Variants in EFHC1 observed in about 807,000 individuals in gnomAD.
The protein encoded by EFHC1 is EF-hand domain containing 1.
In EFHC1, 53 loss-of-function variants were observed where a neutral mutation model predicts 69.9. The ratio of observed to expected loss-of-function variants is 0.76; its 90% confidence interval spans 0.61 to 0.95. EFHC1 has a LOEUF of 0.95. EFHC1 is among the 40% of genes least tolerant of loss of function. EFHC1 has a pLI of 0.00. For synonymous variants in EFHC1, 256 were observed against 278.4 expected, an observed-to-expected ratio of 0.92 and a Z score of 0.80; for missense variants, 739 against 798.7, an observed-to-expected ratio of 0.93 and a Z score of 0.90.
At chr6:52,465,866 A>G (rs1437012822) in intron 6 of EFHC1, among the ~76,000 whole-genome samples, 2 of 148,252 alleles carry the variant, frequency 1.3e-5, no homozygotes. Flanking sequence ...CTATCTATAT[A>G]TATATTATAA....
intron 5 of EFHC1, among the ~76,000 whole-genome samples, chr6:52,463,220 AGT>A (rs1765214325): frequency 1.8e-5 from 2 of 110,078 alleles, no homozygotes; most frequent in Admixed American, 9.7e-5. Context: ...TTGTATTTTT[AGT>A]AGAGACAGAG....
Position 52,479,763 on chromosome 6 carries a change from A to G in EFHC1, c.1616A>G (p.Glu539Gly), listed in dbSNP as rs908573760. The G allele has an allele frequency of 6.2e-7, 1 of 1,614,096 alleles. No individual in the cohort carries two copies. Among genetic ancestry groups the G allele is most frequent in the African/African-American group, 1.3e-5 (1 of 74,938 alleles). The stretch of plus-strand genomic sequence containing the variant: ...ATTCAGAACCATGTCCGAAAGCGAG[A>G]AGCGCCTGCTCCAGAAGCAGAAAGG... ...ASIQNHVRKR[E>G]APAPEAESKQ... The change falls in exon 9 of 11, where the codon GAA (glutamate) becomes GGA (glycine). Residue 539 changes from glutamate to glycine, a missense_variant. By Grantham distance (98) the Glu-to-Gly change is moderately conservative. Coordinates refer to ENST00000371068, the MANE Select transcript of EFHC1 (RefSeq NM_018100.4).
intron 3 of EFHC1, among the ~76,000 whole-genome samples, chr6:52,450,466 G>A (rs1764890253): frequency 1.3e-5 from 2 of 152,174 alleles, no homozygotes. Context: ...CTAAGAACTT[G>A]CTTTATGAAT....
At chr6:52,445,661 A>T (rs1439990457) in intron 3 of EFHC1, among the ~76,000 whole-genome samples, 1 of 152,098 alleles carries the variant, frequency 6.6e-6, no homozygotes, top group Admixed American at 6.6e-5. Context: ...TAGGGTGTCA[A>T]TTTTAGATCT....
chr6:52,470,818 G>C (rs1249650438), intron 7 of EFHC1, among the ~76,000 whole-genome samples: 2 of 152,230 alleles, frequency 1.3e-5, no homozygotes, highest in Non-Finnish European at 2.9e-5. Flanking sequence ...GCTATGAATA[G>C]TGTTAGATAT....
At chr6:52,491,998 G>T (rs929203791) in intron 10 of EFHC1, among the ~76,000 whole-genome samples, 3 of 152,314 alleles carry the variant, frequency 2.0e-5, no homozygotes, top group Admixed American at 2.0e-4. Flanking sequence ...GCCTCCAGTG[G>T]TATACTGAGT....
chr6:52,440,613 T>C (rs1764641383), intron 3 of EFHC1, among the ~76,000 whole-genome samples: 1 of 152,184 alleles, frequency 6.6e-6, no homozygotes, highest in South Asian at 2.1e-4. Context: ...GGTATGTCTT[T>C]ATGGCAGAAT....
At chr6:52,423,627 A>G (rs1764236014) in intron 1 of EFHC1, 2 of 549,688 alleles carry the variant, frequency 3.6e-6, no homozygotes, top group Admixed American at 3.7e-5. Flanking sequence ...TCAGCCGACT[A>G]TAATAGGCAC....
chr6:52,470,438 G>T (rs1447094037), intron 7 of EFHC1, among the ~76,000 whole-genome samples: 2 of 152,014 alleles, frequency 1.3e-5, no homozygotes, highest in African/African-American at 4.8e-5. Context: ...ACTCCTTAAG[G>T]GCAGGAATCA....
chr6:52,434,895 A>G (rs2113976009), intron 2 of EFHC1, among the ~76,000 whole-genome samples: 1 of 151,940 alleles, frequency 6.6e-6, no homozygotes, highest in East Asian at 1.9e-4. Context: ...ATATATATAT[A>G]TATATATACA....
chr6:52,476,039 C>T (rs953909703), intron 7 of EFHC1, among the ~76,000 whole-genome samples: 2 of 151,964 alleles, frequency 1.3e-5, no homozygotes, highest in Admixed American at 6.6e-5. Flanking sequence ...CCTGAGAGAG[C>T]TTCATGTAAG....
chr6:52,466,178 TA>T (rs924790215), intron 6 of EFHC1, among the ~76,000 whole-genome samples: 1 of 152,314 alleles, frequency 6.6e-6, no homozygotes, highest in Admixed American at 6.5e-5. Flanking sequence ...ACTATGTGTG[TA>T]AAGTATCACT....
intron 2 of EFHC1, among the ~76,000 whole-genome samples, chr6:52,437,009 C>T (rs1764549423): frequency 6.6e-6 from 1 of 152,096 alleles, no homozygotes; most frequent in Non-Finnish European, 1.5e-5. Flanking sequence ...GATGATGATG[C>T]TCCCCAGAGG....
chr6:52,434,974 G>C (rs745984120), intron 2 of EFHC1, among the ~76,000 whole-genome samples: 1 of 151,752 alleles, frequency 6.6e-6, no homozygotes, highest in African/African-American at 2.4e-5. Context: ...CCAACTTCCT[G>C]TTGCCATAGG....
chr6:52,492,461 T>C lies in EFHC1; in HGVS notation c.*120T>C. 1 of 1,063,150 alleles carries C rather than the reference T, an allele frequency of 9.4e-7. No homozygotes were observed. The highest frequency in any genetic ancestry group is 1.4e-6 in the Non-Finnish European group (1 of 710,050). 65.9% of individuals were successfully genotyped at this position (1,063,150 alleles called of 1,614,324 possible). Reference sequence around the variant, plus strand: ...GAAGTTTTATTTCTGTTTTGGTTCTTCTTTCACTCCTACTGAAGTCGAAAC... The same window carrying C: ...GAAGTTTTATTTCTGTTTTGGTTCTCCTTTCACTCCTACTGAAGTCGAAAC... On this transcript the variant is annotated 3_prime_UTR_variant, in exon 11 of 11. Coordinates refer to ENST00000371068, the MANE Select transcript of EFHC1 (RefSeq NM_018100.4).
intron 2 of EFHC1, among the ~76,000 whole-genome samples, chr6:52,436,038 A>C (rs558599167): frequency 2.6e-4 from 39 of 152,276 alleles, no homozygotes; most frequent in African/African-American, 8.9e-4. Flanking sequence ...CCTCCTTTAT[A>C]AAATAAGTGG....
intron 3 of EFHC1, among the ~76,000 whole-genome samples, chr6:52,447,187 T>C (rs1764806578): frequency 6.6e-6 from 1 of 152,266 alleles, no homozygotes; most frequent in Non-Finnish European, 1.5e-5. Flanking sequence ...TCCCCATCAC[T>C]TTCAGGTACA....
At chr6:52,465,550 G>C (rs1765285814) in intron 6 of EFHC1, among the ~76,000 whole-genome samples, 1 of 151,928 alleles carries the variant, frequency 6.6e-6, no homozygotes, top group Non-Finnish European at 1.5e-5. Flanking sequence ...GCTCATATCT[G>C]TAATCCAGCA....
chr6:52,451,312 C>G (rs938088356), intron 3 of EFHC1, among the ~76,000 whole-genome samples: 1 of 152,124 alleles, frequency 6.6e-6, no homozygotes, highest in African/African-American at 2.4e-5. Context: ...TTTAAGATCT[C>G]TTGTAAGGCA....
Sources: gnomAD v4.1 joint callset for allele counts (sites outside exome capture counted in the v4.1 genomes callset) on GRCh38, gnomAD v4.1.1 for gene constraint, MANE v1.5 for transcripts, NCBI Gene and HGNC (gene_info 2026-07-23, HGNC 2026-07-21) for gene names.